The following FTO variants were observed in gnomAD, a reference collection of about 807,000 sequenced individuals.
The protein encoded by FTO is FTO alpha-ketoglutarate dependent dioxygenase.
A neutral mutation model predicts 63.9 loss-of-function variants in FTO; 47 were observed. That is an observed-to-expected ratio of 0.74 (90% CI 0.58 to 0.94). The LOEUF (loss-of-function observed/expected upper bound fraction) is 0.94, where lower values mean the gene tolerates loss of function less well. Among genes scored for constraint, FTO ranks in the 40% least tolerant of loss-of-function variants. The probability of loss-of-function intolerance (pLI) is 0.00; values close to 1 mark genes in which losing one functional copy is unlikely to be tolerated. For synonymous variants in FTO, 207 were observed against 224.4 expected (o/e 0.92, Z 0.69); for missense variants, 562 against 618.1 (o/e 0.91, Z 0.96).
intron 1 of FTO, among the ~76,000 whole-genome samples, chr16:53,796,426 G>C (rs575838314): frequency 6.2e-4 from 95 of 152,232 alleles, no homozygotes; most frequent in Non-Finnish European, 1.1e-3. Context: ...TAAGTTATTG[G>C]TTTAAATACT....
chr16:53,803,277 C>T (rs73607080), intron 1 of FTO, among the ~76,000 whole-genome samples: 4,967 of 152,258 alleles, frequency 0.033, 277 homozygotes, highest in African/African-American at 0.11. Context: ...CTAGGGCTAT[C>T]GCACCACTGC....
intron 6 of FTO, among the ~76,000 whole-genome samples, chr16:53,880,433 A>G (rs1464170251): frequency 2.0e-5 from 3 of 152,202 alleles, no homozygotes; most frequent in Non-Finnish European, 4.4e-5. Context: ...ACGTATATCA[A>G]TAGCAGTCAC....
At chr16:53,842,308 G>C (rs992848592) in intron 3 of FTO, among the ~76,000 whole-genome samples, 28 of 152,186 alleles carry the variant, frequency 1.8e-4, no homozygotes, top group African/African-American at 6.8e-4. Context: ...CCACTAAAAG[G>C]AGAAGCTCCA....
intron 8 of FTO, among the ~76,000 whole-genome samples, chr16:54,081,209 G>A (rs1301768364): frequency 1.3e-5 from 2 of 152,104 alleles, no homozygotes; most frequent in African/African-American, 4.8e-5. Context: ...AGAGGTAACT[G>A]ACAGAGTCAG....
chr16:53,774,259 G>A (rs1362421756), intron 1 of FTO, among the ~76,000 whole-genome samples: 4 of 152,202 alleles, frequency 2.6e-5, no homozygotes, highest in South Asian at 2.1e-4. Flanking sequence ...ATTATAATAC[G>A]CACCCTTGTG....
chr16:53,773,802 AC>A, intron 1 of FTO, among the ~76,000 whole-genome samples: 1 of 152,162 alleles, frequency 6.6e-6, no homozygotes, highest in Non-Finnish European at 1.5e-5. Flanking sequence ...AGGTTTGTAA[AC>A]ACAACACTGT....
At chr16:53,873,738 A>G (rs1374946793) in intron 4 of FTO, 48 bp from the exon 5 acceptor site, 5 of 1,376,842 alleles carry the variant, frequency 3.6e-6, no homozygotes, top group East Asian at 2.3e-5. Context: ...TATAGTATAT[A>G]CTGACTAATA....
At chr16:53,917,918 A>G (rs749598939) in intron 7 of FTO, among the ~76,000 whole-genome samples, 6 of 152,130 alleles carry the variant, frequency 3.9e-5, no homozygotes, top group Non-Finnish European at 7.3e-5. Context: ...TCACTGAATT[A>G]TCCTTTTCTA....
chr16:53,863,002 T>C (rs1365887995), intron 4 of FTO, among the ~76,000 whole-genome samples: 4 of 152,238 alleles, frequency 2.6e-5, no homozygotes, highest in Non-Finnish European at 5.9e-5. Flanking sequence ...ATTTGGTTTT[T>C]CTGCAGCATG....
chr16:54,062,002 G>T (rs1421047603), intron 8 of FTO, among the ~76,000 whole-genome samples: 1 of 152,182 alleles, frequency 6.6e-6, no homozygotes, highest in Non-Finnish European at 1.5e-5. Flanking sequence ...TTGGTGTGCT[G>T]TTGTGGGATC....
At chr16:53,790,784 T>G (rs2077893629) in intron 1 of FTO, among the ~76,000 whole-genome samples, 1 of 151,934 alleles carries the variant, frequency 6.6e-6, no homozygotes, top group Non-Finnish European at 1.5e-5. Flanking sequence ...TTTAAGAAGA[T>G]GAGATTGCCT....
intron 7 of FTO, among the ~76,000 whole-genome samples, chr16:53,892,275 G>C (rs1234859306): frequency 6.6e-6 from 1 of 151,974 alleles, no homozygotes; most frequent in Non-Finnish European, 1.5e-5. Flanking sequence ...GCAATGTTGA[G>C]CTACCAGATT....
At chr16:53,914,550 G>A (rs1453636596) in intron 7 of FTO, among the ~76,000 whole-genome samples, 1 of 152,014 alleles carries the variant, frequency 6.6e-6, no homozygotes, top group African/African-American at 2.4e-5. Flanking sequence ...ACTTCTCAGG[G>A]TGGTCAGATA....
intron 7 of FTO, among the ~76,000 whole-genome samples, chr16:53,907,711 T>C (rs1438489798): frequency 1.3e-5 from 2 of 152,198 alleles, no homozygotes; most frequent in Non-Finnish European, 2.9e-5. Flanking sequence ...TCAATCAGTC[T>C]AATCACATCA....
chr16:53,965,761 G>A (rs1310953714), intron 8 of FTO: 3 of 152,080 alleles, frequency 2.0e-5, no homozygotes, highest in Admixed American at 2.0e-4. Context: ...GAGTTTTGGA[G>A]TCAAAACCCC....
intron 8 of FTO, among the ~76,000 whole-genome samples, chr16:54,100,618 G>A (rs1437644199): frequency 1.3e-5 from 2 of 152,176 alleles, no homozygotes; most frequent in Non-Finnish European, 2.9e-5. Context: ...TTCCCAAAGT[G>A]CTGGGATAAC....
intron 1 of FTO, among the ~76,000 whole-genome samples, chr16:53,790,299 C>T (rs2077874759): frequency 6.6e-6 from 1 of 151,890 alleles, no homozygotes; most frequent in African/African-American, 2.4e-5. Flanking sequence ...CTTCCCCCAG[C>T]CCCTGGCAAC....
chr16:54,035,568 C>T (rs371793289), intron 8 of FTO, among the ~76,000 whole-genome samples: 62 of 152,214 alleles, frequency 4.1e-4, no homozygotes, highest in African/African-American at 1.3e-3. Context: ...TTGACATTGT[C>T]GGTTTTAAGG....
intron 8 of FTO, among the ~76,000 whole-genome samples, chr16:53,941,485 T>G (rs1004611014): frequency 2.6e-5 from 4 of 152,224 alleles, no homozygotes; most frequent in African/African-American, 9.6e-5. Flanking sequence ...TGTGTTTACA[T>G]TTTTATCTCT....
Sources: gnomAD v4.1 joint callset for allele counts (sites outside exome capture counted in the v4.1 genomes callset) on GRCh38, gnomAD v4.1.1 for gene constraint, MANE v1.5 for transcripts, NCBI Gene and HGNC (gene_info 2026-07-23, HGNC 2026-07-21) for gene names.